Variants in FMN2 observed in about 807,000 individuals in gnomAD.
FMN2 encodes the protein formin 2.
Under a neutral mutation model 142.3 loss-of-function variants are expected in FMN2, and 51 were observed. That is an observed-to-expected ratio of 0.36 (90% CI 0.29 to 0.45). FMN2 has a LOEUF of 0.45. Ranked by LOEUF, FMN2 falls within the 20% of genes least tolerant of loss-of-function variation. The probability of loss-of-function intolerance (pLI) is 1.00; values close to 1 mark genes in which losing one functional copy is unlikely to be tolerated. For missense variants in FMN2, 1,936 were observed against 2,122.8 expected, an observed-to-expected ratio of 0.91 and a Z score of 1.73; for synonymous variants, 882 against 869.8, an observed-to-expected ratio of 1.01 and a Z score of -0.25.
At chr1:240,361,984 A>C (rs960930047) in intron 14 of FMN2, among the ~76,000 whole-genome samples, 1 of 152,226 alleles carries the variant, frequency 6.6e-6, no homozygotes, top group Non-Finnish European at 1.5e-5. Context: ...AAATGCGAAT[A>C]CTCATAGCAG....
intron 8 of FMN2, among the ~76,000 whole-genome samples, chr1:240,295,837 A>G (rs1290142500): frequency 1.3e-5 from 2 of 152,220 alleles, no homozygotes; most frequent in African/African-American, 4.8e-5. Context: ...AGCAACACCT[A>G]CACTGCTTTC....
intron 5 of FMN2, among the ~76,000 whole-genome samples, chr1:240,209,509 T>C (rs907236435): frequency 5.3e-5 from 8 of 150,282 alleles, no homozygotes; most frequent in Middle Eastern, 3.4e-3. Flanking sequence ...CCGCCTCGGC[T>C]TCCCAAAATG....
intron 2 of FMN2, among the ~76,000 whole-genome samples, chr1:240,130,930 G>GC (rs1270491096): frequency 1.3e-5 from 2 of 151,946 alleles, no homozygotes; most frequent in Non-Finnish European, 2.9e-5. Flanking sequence ...TGTCCCCCAA[G>GC]CCCCTGCCCT....
intron 8 of FMN2, among the ~76,000 whole-genome samples, chr1:240,299,646 T>A (rs1475036573): frequency 4.6e-5 from 7 of 152,164 alleles, no homozygotes; most frequent in Admixed American, 4.6e-4. Flanking sequence ...TTCTTGTTGA[T>A]GTAATTTCAG....
chr1:240,369,299 C>G (rs906268248), intron 14 of FMN2, among the ~76,000 whole-genome samples: 1 of 152,178 alleles, frequency 6.6e-6, no homozygotes, highest in Non-Finnish European at 1.5e-5. Flanking sequence ...TTACTTCCCT[C>G]TAAACAAATT....
chr1:240,279,807 C>A (rs1010491099), intron 7 of FMN2, among the ~76,000 whole-genome samples: 9 of 152,138 alleles, frequency 5.9e-5, no homozygotes, highest in Admixed American at 5.2e-4. Context: ...AAAAAAGAAA[C>A]CTTCATTAAC....
chr1:240,266,755 G>A (rs1335835439), intron 7 of FMN2, among the ~76,000 whole-genome samples: 1 of 151,836 alleles, frequency 6.6e-6, no homozygotes, highest in Non-Finnish European at 1.5e-5. Flanking sequence ...AAGACACATA[G>A]ACCTATGGAG....
chr1:240,209,758 G>A (rs1666610918), intron 5 of FMN2, among the ~76,000 whole-genome samples: 1 of 151,444 alleles, frequency 6.6e-6, no homozygotes, highest in Non-Finnish European at 1.5e-5. Context: ...CAAAAAATTA[G>A]CCGGGCGAGG....
At chr1:240,366,861 GT>G (rs1672690884) in intron 14 of FMN2, among the ~76,000 whole-genome samples, 1 of 152,078 alleles carries the variant, frequency 6.6e-6, no homozygotes, top group Non-Finnish European at 1.5e-5. Context: ...CTCTATCCCT[GT>G]TTTATTGATT....
chr1:240,391,677 C>A (rs982558568), intron 14 of FMN2, among the ~76,000 whole-genome samples: 3 of 151,978 alleles, frequency 2.0e-5, no homozygotes, highest in African/African-American at 4.8e-5. Context: ...GTTTTAAAAT[C>A]TGATAGATAG....
intron 13 of FMN2, among the ~76,000 whole-genome samples, chr1:240,347,971 T>A (rs1245623618): frequency 2.6e-5 from 4 of 152,224 alleles, no homozygotes; most frequent in African/African-American, 7.2e-5. Context: ...GTTGCTTCCA[T>A]GTTTTTGCTA....
chr1:240,153,175 A>G (rs1201398271), intron 2 of FMN2, among the ~76,000 whole-genome samples: 1 of 152,014 alleles, frequency 6.6e-6, no homozygotes, highest in Non-Finnish European at 1.5e-5. Flanking sequence ...AGTTGTTAAG[A>G]TGGAGGGTTA....
chr1:240,234,653 A>G (rs1478120481), intron 6 of FMN2, among the ~76,000 whole-genome samples: 1 of 152,038 alleles, frequency 6.6e-6, no homozygotes, highest in East Asian at 1.9e-4. Context: ...CAACCCCCCC[A>G]CTACAAATGT....
intron 6 of FMN2, among the ~76,000 whole-genome samples, chr1:240,219,534 AAAT>A (rs1667027839): frequency 6.6e-6 from 1 of 152,188 alleles, no homozygotes; most frequent in South Asian, 2.1e-4. Context: ...TTTAGAAAAA[AAAT>A]AATAAAGTTC....
chr1:240,148,349 AAGAC>A (rs1293817514), intron 2 of FMN2, among the ~76,000 whole-genome samples: 2 of 102,202 alleles, frequency 2.0e-5, no homozygotes, highest in Non-Finnish European at 4.5e-5. Context: ...TAAAGAGAGA[AAGAC>A]AGAGAGACAG....
chr1:240,332,391 C>T (rs1671410353), intron 11 of FMN2, among the ~76,000 whole-genome samples: 1 of 133,628 alleles, frequency 7.5e-6, no homozygotes, highest in African/African-American at 2.9e-5. Context: ...AAAGAAAAGC[C>T]CTTTTCTTAA....
At chr1:240,295,222 A>ACACACACACT (rs1188239414) in intron 8 of FMN2, among the ~76,000 whole-genome samples, 227 of 147,594 alleles carry the variant, frequency 1.5e-3, no homozygotes, top group South Asian at 8.7e-3. Flanking sequence ...ACACACACAC[A>ACACACACACT]CACTCACACA....
intron 16 of FMN2, among the ~76,000 whole-genome samples, chr1:240,470,223 A>AC (rs1214055690): frequency 4.6e-5 from 7 of 151,762 alleles, no homozygotes; most frequent in East Asian, 3.9e-4. Context: ...AAAAAAAAAA[A>AC]CAGTTTCCTT....
At chr1:240,375,652 G>A (rs9662927) in intron 14 of FMN2, among the ~76,000 whole-genome samples, 80,735 of 152,030 alleles carry the variant, frequency 0.53, 22,540 homozygotes, top group African/African-American at 0.71. Context: ...ACTCTAGATT[G>A]TCTCTCACAT....
Sources: allele counts gnomAD v4.1 joint callset (sites outside exome capture counted in the v4.1 genomes callset), GRCh38; gene constraint gnomAD v4.1.1; transcripts MANE v1.5; gene names NCBI Gene and HGNC (gene_info 2026-07-23, HGNC 2026-07-21).